Variants in ZCWPW2 observed in about 807,000 individuals in gnomAD.
ZCWPW2 encodes zinc finger CW-type PWWP domain protein 2.
In ZCWPW2, 45 loss-of-function variants were observed where a neutral mutation model predicts 46.6. That is an observed-to-expected ratio of 0.96 (90% CI 0.76 to 1.24). The LOEUF is 1.24. Ranked by LOEUF, ZCWPW2 falls within the 50% of genes most tolerant of loss-of-function variation. ZCWPW2 has a pLI of 0.00. For synonymous variants in ZCWPW2, 152 were observed against 137.1 expected, an observed-to-expected ratio of 1.11 and a Z score of -0.76; for missense variants, 429 against 403.9, an observed-to-expected ratio of 1.06 and a Z score of -0.53.
intron 4 of ZCWPW2, among the ~76,000 whole-genome samples, chr3:28,475,699 C>G (rs1699213636): frequency 6.6e-6 from 1 of 152,122 alleles, no homozygotes; most frequent in Admixed American, 6.5e-5. Flanking sequence ...TACATGTACT[C>G]TCCCACATTA....
intron 1 of ZCWPW2, among the ~76,000 whole-genome samples, chr3:28,381,878 A>C (rs1047663820): frequency 7.9e-5 from 12 of 152,034 alleles, no homozygotes; most frequent in Non-Finnish European, 1.6e-4. Flanking sequence ...AAAGAACAGA[A>C]ATTTGGCCAG....
intron 1 of ZCWPW2, among the ~76,000 whole-genome samples, chr3:28,367,600 G>T (rs1321557537): frequency 1.3e-5 from 2 of 152,210 alleles, no homozygotes; most frequent in East Asian, 3.8e-4. Flanking sequence ...GTTGTGTGGT[G>T]CTGAAAAGAA....
intron 1 of ZCWPW2, among the ~76,000 whole-genome samples, chr3:28,381,029 A>G (rs1398432401): frequency 1.3e-4 from 3 of 22,312 alleles, no homozygotes; most frequent in Non-Finnish European, 2.1e-4. Context: ...TATTTGGTAT[A>G]TATATATATA....
At chr3:28,357,218 T>C (rs913047795) in intron 1 of ZCWPW2, among the ~76,000 whole-genome samples, 3 of 152,070 alleles carry the variant, frequency 2.0e-5, no homozygotes, top group Non-Finnish European at 4.4e-5. Flanking sequence ...TAAATAATAA[T>C]GAAAGGATGA....
chr3:28,526,036 T>G lies in ZCWPW2; in HGVS notation c.*1348T>G, dbSNP rs1336078832. Among the ~76,000 whole-genome samples, 1 of 152,144 alleles carries G rather than the reference T, an allele frequency of 6.6e-6. No individual in the cohort carries two copies. Among genetic ancestry groups the G allele is most frequent in the Non-Finnish European group, 1.5e-5 (1 of 68,022 alleles). Reference sequence around the variant, plus strand: ...ATCATCTATAATGTCTTGATGAAGCTTTTAACTAGCTGGGTGGTGGAATGA... The same window carrying G: ...ATCATCTATAATGTCTTGATGAAGCGTTTAACTAGCTGGGTGGTGGAATGA... On this transcript the variant is annotated 3_prime_UTR_variant, in exon 10 of 10. Transcript: ENST00000383768.
At chr3:28,398,609 G>A (rs911049932) in intron 2 of ZCWPW2, among the ~76,000 whole-genome samples, 4 of 152,122 alleles carry the variant, frequency 2.6e-5, no homozygotes, top group African/African-American at 9.7e-5. Context: ...CCCAAATACT[G>A]TGGGTGTCCA....
intron 1 of ZCWPW2, among the ~76,000 whole-genome samples, chr3:28,350,425 A>G (rs1484108650): frequency 1.3e-5 from 2 of 152,180 alleles, no homozygotes; most frequent in African/African-American, 4.8e-5. Context: ...AGTATTTTGA[A>G]GTTTATCTGG....
intron 1 of ZCWPW2, among the ~76,000 whole-genome samples, chr3:28,376,668 C>T (rs535661238): frequency 6.6e-5 from 10 of 152,188 alleles, no homozygotes; most frequent in African/African-American, 1.7e-4. Flanking sequence ...TATTGCTCAT[C>T]GTAATCTTGG....
At position 28,424,228 on chromosome 3, in the gene ZCWPW2, A is replaced by AACACACACACAC. The variant is rs55725925; in HGVS notation, c.333-10852_333-10841dup. Among the ~76,000 whole-genome samples, 440 of 138,942 alleles carry AACACACACACAC rather than the reference A, an allele frequency of 3.2e-3. 3 individuals are homozygous for AACACACACACAC. The highest frequency in any genetic ancestry group is 0.011 in the African/African-American group (396 of 37,068). The allele number at this position is 138,942 out of a possible 152,430, so 91.2% of individuals were successfully genotyped here. ...AGAGAGACTGTGGTGGTCTTATTCC[A>AACACACACACAC]ACACACACACACACACACACACACA... is the stretch of plus-strand genomic sequence containing the variant. On this transcript the variant is annotated intron_variant, in intron 3 of 9. Coordinates refer to ENST00000383768, the MANE Select transcript of ZCWPW2 (RefSeq NM_001040432.4).
At chr3:28,515,644 T>G (rs757382836) in intron 8 of ZCWPW2, 23 bp downstream of exon 8, 15 of 1,585,350 alleles carry the variant, frequency 9.5e-6, no homozygotes, top group Non-Finnish European at 1.2e-5. Context: ...CTGTCCTGCT[T>G]TTAGTTCTTT....
rs1559502503 is a variant in ZCWPW2, at chr3:28,433,771, AAAAAAC to A, written c.333-1333_333-1328del. ...ACTCCCTCTTAAAAAAAAAAAAAAC[AAAAAAC>A]AAAAAACAAAAAAAACTTACTTCAT... On this transcript the variant is annotated intron_variant, in intron 3 of 9. Transcript: ENST00000383768. 7.0e-4 allele frequency among the ~76,000 whole-genome samples: 67 copies of A among 96,372 alleles called. No individual in the cohort carries two copies. In the South Asian group the frequency reaches 7.7e-3, roughly 11 times the overall value. 63.2% of individuals were successfully genotyped at this position (96,372 alleles called of 152,430 possible). A position where few individuals can be genotyped will look rare whatever the true frequency, so the allele number is the denominator to read the frequency against.
intron 1 of ZCWPW2, among the ~76,000 whole-genome samples, chr3:28,359,233 T>C (rs1391613879): frequency 2.0e-5 from 3 of 152,142 alleles, no homozygotes; most frequent in Admixed American, 6.5e-5. Flanking sequence ...AGAAATAGGA[T>C]TTAAAATTAT....
intron 1 of ZCWPW2, among the ~76,000 whole-genome samples, chr3:28,352,382 T>A (rs1011359831): frequency 1.3e-5 from 2 of 152,176 alleles, no homozygotes; most frequent in Non-Finnish European, 2.9e-5. Context: ...CATGTATTCA[T>A]TCCTAAGATT....
At chr3:28,473,051 G>C (rs548419859) in intron 4 of ZCWPW2, among the ~76,000 whole-genome samples, 1 of 152,284 alleles carries the variant, frequency 6.6e-6, no homozygotes, top group South Asian at 2.1e-4. Flanking sequence ...CCCAGTTAAA[G>C]TGGCTTATAT....
intron 8 of ZCWPW2, among the ~76,000 whole-genome samples, chr3:28,517,195 A>AT (rs920684531): frequency 1.2e-4 from 18 of 151,598 alleles, no homozygotes; most frequent in Non-Finnish European, 2.2e-4. Context: ...TTTATTTAGG[A>AT]TTTTTTTTTC....
intron 6 of ZCWPW2, among the ~76,000 whole-genome samples, chr3:28,503,242 C>G (rs1700196122): frequency 6.6e-6 from 1 of 152,140 alleles, no homozygotes; most frequent in Non-Finnish European, 1.5e-5. Flanking sequence ...GAAACAAAAT[C>G]TTCCTCAAGT....
chr3:28,435,485 C>CTTT (rs1197458440), intron 4 of ZCWPW2, among the ~76,000 whole-genome samples: 4 of 134,148 alleles, frequency 3.0e-5, no homozygotes, highest in Non-Finnish European at 4.9e-5. Flanking sequence ...TTCTTTCTGT[C>CTTT]TTTTTTTTTT....
intron 6 of ZCWPW2, chr3:28,511,144 C>A: frequency 2.3e-6 from 1 of 437,764 alleles, no homozygotes; most frequent in Non-Finnish European, 4.6e-6. Context: ...GTATGACAAT[C>A]TGGAAGATGA....
At chr3:28,431,961 G>A (rs1697274068) in intron 3 of ZCWPW2, among the ~76,000 whole-genome samples, 1 of 152,178 alleles carries the variant, frequency 6.6e-6, no homozygotes, top group African/African-American at 2.4e-5. Flanking sequence ...GCAGCAAGGA[G>A]AAGTGCTGAG....
Sources: allele counts gnomAD v4.1 joint callset (sites outside exome capture counted in the v4.1 genomes callset), GRCh38; gene constraint gnomAD v4.1.1; transcripts MANE v1.5; gene names NCBI Gene and HGNC (gene_info 2026-07-23, HGNC 2026-07-21).